Variants in HNRNPH1 observed in about 807,000 individuals in gnomAD.
The protein encoded by HNRNPH1 is heterogeneous nuclear ribonucleoprotein H.
HNRNPH1 carries 4 observed loss-of-function variants against 58.6 expected under a neutral mutation model. The ratio of observed to expected loss-of-function variants is 0.07; its 90% CI spans 0.03 to 0.16. The LOEUF (loss-of-function observed/expected upper bound fraction) is 0.16, where lower values mean the gene tolerates loss of function less well. Among genes scored for constraint, HNRNPH1 ranks in the 10% least tolerant of loss-of-function variants. The probability of loss-of-function intolerance (pLI) is 1.00; values close to 1 mark genes in which losing one functional copy is unlikely to be tolerated. For missense variants in HNRNPH1, 271 were observed against 564.2 expected (o/e 0.48, Z 5.26); for synonymous variants, 192 against 189.2 (o/e 1.01, Z -0.12).
chr5:179,630,922 A>G (rs1774776569), intron 2 of HNRNPH1, among the ~76,000 whole-genome samples: 3 of 149,580 alleles, frequency 2.0e-5, no homozygotes, highest in East Asian at 1.9e-4. Flanking sequence ...CTCAAAAAAG[A>G]AACAAAAACA....
At position 179,629,851 on chromosome 5, in the gene HNRNPH1, C is replaced by T. The variant is rs182499349; in HGVS notation, c.-32+4214G>A. Reference sequence around the variant, plus strand: ...CAGCCTGGCCAACATGGTGAAACCCCGTCTCTACTAAAAAAATACAAAAAT... The same window carrying T: ...CAGCCTGGCCAACATGGTGAAACCCTGTCTCTACTAAAAAAATACAAAAAT... On this transcript the variant is annotated intron_variant, in intron 2 of 4. Transcript: ENST00000521116. Among the ~76,000 whole-genome samples, 731 of 147,174 alleles carry T rather than the reference C, an allele frequency of 5.0e-3. 11 individuals are homozygous for T. The highest frequency in any genetic ancestry group is 0.018 in the African/African-American group (703 of 39,868).
chr5:179,617,400 A>C, intron 8 of HNRNPH1, 114 bp downstream of exon 9: 1 of 1,229,336 alleles, frequency 8.1e-7, no homozygotes, highest in Non-Finnish European at 1.1e-6. Context: ...CCCAAGAATT[A>C]ATCTATTACT....
chr5:179,620,977 A>G, exon 3 of HNRNPH1: 1 of 1,614,044 alleles, frequency 6.2e-7, no homozygotes, highest in Non-Finnish European at 8.5e-7. Flanking sequence ...CCGTGTCAGG[A>G]CTATTTGGAC....
At chr5:179,621,156 G>A in intron 2 of HNRNPH1, 86 bp downstream of exon 3, 1 of 1,485,938 alleles carries the variant, frequency 6.7e-7, no homozygotes, top group Non-Finnish European at 9.3e-7. Flanking sequence ...CCATTTCCAT[G>A]CAGTCAAATA....
At chr5:179,618,382 A>T in intron 4 of HNRNPH1, 59 bp from the exon 6 acceptor site, 1 of 1,183,116 alleles carries the variant, frequency 8.5e-7, no homozygotes, top group Non-Finnish European at 1.2e-6. Context: ...AGTTCATTTT[A>T]TACAGGTATT....
intron 1 of HNRNPH1, 126 bp from the exon 3 acceptor site, chr5:179,621,523 C>A: frequency 1.4e-6 from 1 of 725,912 alleles, no homozygotes; most frequent in Non-Finnish European, 2.3e-6. Flanking sequence ...TATATACTGA[C>A]CACGATATTA....
upstream of HNRNPH1, among the ~76,000 whole-genome samples, chr5:179,626,648 G>T (rs1433417986): frequency 6.6e-6 from 1 of 150,644 alleles, no homozygotes; most frequent in Admixed American, 6.6e-5. Context: ...CCTGGGAGGT[G>T]GAGGTTGCAG....
At chr5:179,625,615 C>T (rs1411020802), upstream of HNRNPH1, among the ~76,000 whole-genome samples, 1 of 149,956 alleles carries the variant, frequency 6.7e-6, no homozygotes, top group East Asian at 1.9e-4. Flanking sequence ...GCTGAGATCA[C>T]GCCATTGCAC....
At chr5:179,617,313 A>G in intron 8 of HNRNPH1, 1 of 736,084 alleles carries the variant, frequency 1.4e-6, no homozygotes, top group East Asian at 2.7e-5. Context: ...AAGGATATAC[A>G]CTTCAAGATG....
upstream of HNRNPH1, among the ~76,000 whole-genome samples, chr5:179,625,531 G>A (rs989967128): frequency 8.8e-5 from 13 of 148,006 alleles, no homozygotes; most frequent in Non-Finnish European, 1.6e-4. Context: ...GGTGATGCAT[G>A]CCTGTAATCC....
chr5:179,615,349 C>CTGT (rs1442117270), intron 12 of HNRNPH1, 197 bp downstream of exon 13: 5 of 493,620 alleles, frequency 1.0e-5, no homozygotes, highest in African/African-American at 9.8e-5. Context: ...GAAAAGGGAG[C>CTGT]ACAGGGGAAG....
intron 3 of HNRNPH1, 150 bp from the exon 5 acceptor site, chr5:179,619,557 CAAT>C (rs1771278565): frequency 5.0e-6 from 3 of 595,888 alleles, no homozygotes; most frequent in East Asian, 2.8e-5. Flanking sequence ...ATATGCATTG[CAAT>C]AATATGAAGT....
chr5:179,616,561 T>C, intron 10 of HNRNPH1: 1 of 511,830 alleles, frequency 2.0e-6, no homozygotes, highest in Non-Finnish European at 3.5e-6. Context: ...TCAATACACC[T>C]AATTATGCCC....
At chr5:179,625,744 C>T (rs1429599879), upstream of HNRNPH1, among the ~76,000 whole-genome samples, 2 of 150,626 alleles carry the variant, frequency 1.3e-5, no homozygotes, top group African/African-American at 4.9e-5. Flanking sequence ...AATTGTCCAA[C>T]TTATATTAAA....
At chr5:179,623,342 G>C in exon 1 of HNRNPH1, 1 of 396,896 alleles carries the variant, frequency 2.5e-6, no homozygotes, top group Non-Finnish European at 4.8e-6. Flanking sequence ...CTGAGCAACA[G>C]CTGTCGGCGC....
At chr5:179,616,801 A>T in intron 10 of HNRNPH1, 68 bp downstream of exon 11, 1 of 1,286,036 alleles carries the variant, frequency 7.8e-7, no homozygotes, top group Non-Finnish European at 1.1e-6. Flanking sequence ...TAAATAGATT[A>T]ACTTAACTTA....
At chr5:179,621,109 TA>T in intron 2 of HNRNPH1, 74 bp from the exon 4 acceptor site, 1 of 1,554,488 alleles carries the variant, frequency 6.4e-7, no homozygotes, top group Non-Finnish European at 8.9e-7. Flanking sequence ...GGTCTTTAGA[TA>T]AGCTAGGAAG....
chr5:179,615,698 TAAATACGATCCTGA>T (rs1769198984), intron 11 of HNRNPH1, 103 bp from the exon 13 acceptor site: 3 of 619,896 alleles, frequency 4.8e-6, no homozygotes, highest in Non-Finnish European at 8.7e-6. Flanking sequence ...AACTGACTAA[TAAATACGATCCTGA>T]ACCCAACCAC....
exon 3 of HNRNPH1, chr5:179,621,016 A>T (rs1308940065): frequency 1.2e-6 from 2 of 1,613,798 alleles, no homozygotes; most frequent in Non-Finnish European, 1.7e-6. Context: ...AATCCATTTC[A>T]ACGTTGTTTG....
Sources: allele counts gnomAD v4.1 joint callset (sites outside exome capture counted in the v4.1 genomes callset), GRCh38; gene constraint gnomAD v4.1.1; transcripts MANE v1.5; gene names NCBI Gene and HGNC (gene_info 2026-07-23, HGNC 2026-07-21).